VWF: variants seen among roughly 807,000 people sequenced by gnomAD.
The protein encoded by VWF is von Willebrand factor.
Under a neutral mutation model 308.6 loss-of-function variants are expected in VWF, and 176 were observed. That is an observed-to-expected ratio of 0.57 (90% confidence interval 0.50 to 0.65). The LOEUF (loss-of-function observed/expected upper bound fraction) is 0.65. Ranked by LOEUF, VWF falls within the 30% of genes least tolerant of loss-of-function variation. The probability of loss-of-function intolerance (pLI) is 0.00; values close to 1 mark genes in which losing one functional copy is unlikely to be tolerated. For synonymous variants in VWF, 1,385 were observed against 1,443.4 expected (o/e 0.96, Z 0.92); for missense variants, 3,146 against 3,648.2 (o/e 0.86, Z 3.55).
chr12:6,095,166 T>A (rs1295190651), intron 6 of VWF: 1 of 400,468 alleles, frequency 2.5e-6, no homozygotes. Flanking sequence ...CTGCCTAGCC[T>A]CCAGAACTAT....
chr12:6,109,226 C>A (rs1945276668), intron 5 of VWF, among the ~76,000 whole-genome samples: 1 of 151,230 alleles, frequency 6.6e-6, no homozygotes, highest in Non-Finnish European at 1.5e-5. Context: ...AATACACACA[C>A]ACAGAGACAC....
intron 2 of VWF, among the ~76,000 whole-genome samples, chr12:6,121,562 A>G (rs1216867593): frequency 6.6e-6 from 1 of 152,212 alleles, no homozygotes; most frequent in East Asian, 1.9e-4. Context: ...GAAATCCATT[A>G]GTTTCAATGA....
chr12:6,082,429 G>C (rs575333610), intron 6 of VWF, among the ~76,000 whole-genome samples: 1 of 151,966 alleles, frequency 6.6e-6, no homozygotes, highest in East Asian at 1.9e-4. Flanking sequence ...GAGTATACAG[G>C]GGCCCTGCGA....
chr12:6,000,885 T>C (rs1385551747), intron 34 of VWF, among the ~76,000 whole-genome samples: 1 of 151,550 alleles, frequency 6.6e-6, no homozygotes, highest in African/African-American at 2.4e-5. Flanking sequence ...TAGGAAATGT[T>C]AACAAAACAA....
At chr12:5,952,163 C>T (rs1943199112) in intron 49 of VWF, 1 of 675,740 alleles carries the variant, frequency 1.5e-6, no homozygotes, top group Non-Finnish European at 2.5e-6. Context: ...ATTCAAGAAT[C>T]ACACACTCAG....
intron 10 of VWF, among the ~76,000 whole-genome samples, chr12:6,069,621 G>C (rs1276913776): frequency 6.6e-6 from 1 of 152,210 alleles, no homozygotes; most frequent in African/African-American, 2.4e-5. Context: ...AAATGGACCG[G>C]GAGGCGATGA....
intron 6 of VWF, among the ~76,000 whole-genome samples, chr12:6,093,141 C>T (rs1050249851): frequency 3.3e-5 from 5 of 152,134 alleles, no homozygotes; most frequent in African/African-American, 1.2e-4. Flanking sequence ...TGTGGTTGCT[C>T]TCTGGATAAG....
At chr12:6,101,280 A>T (rs2136507789) in intron 5 of VWF, among the ~76,000 whole-genome samples, 1 of 152,274 alleles carries the variant, frequency 6.6e-6, no homozygotes, top group African/African-American at 2.4e-5. Flanking sequence ...CATCGTGTAA[A>T]TACTCCTACC....
At chr12:6,022,988 ATAATGT>A (rs749182592) in intron 25 of VWF, 90 bp from the exon 26 acceptor site, 10,692 of 373,584 alleles carry the variant, frequency 0.029, 1,051 homozygotes, top group African/African-American at 0.21. Flanking sequence ...CCATCTGGAG[ATAATGT>A]TGGGGAACTA....
At chr12:6,013,110 T>A (rs1944016875) in intron 32 of VWF, among the ~76,000 whole-genome samples, 1 of 152,112 alleles carries the variant, frequency 6.6e-6, no homozygotes, top group Admixed American at 6.5e-5. Context: ...ATGTTGAGAG[T>A]TAGTCTAGGC....
intron 6 of VWF, among the ~76,000 whole-genome samples, chr12:6,088,821 C>G (rs1420488860): frequency 6.6e-6 from 1 of 152,240 alleles, no homozygotes; most frequent in Non-Finnish European, 1.5e-5. Context: ...GCTGAAAAAA[C>G]TGCAAATTTG....
At position 6,057,925 on chromosome 12, in the gene VWF, G is replaced by T. The variant is rs1381798843; in HGVS notation, c.1653C>A (p.Asn551Lys). 1.2e-6 allele frequency: 2 copies of T among 1,613,616 alleles called. No homozygotes were observed. The highest frequency in any genetic ancestry group is 1.7e-6 in the Non-Finnish European group (2 of 1,179,954). The change falls in exon 14 of 52, where the codon AAC (asparagine) becomes AAA (lysine). Residue 551 changes from asparagine to lysine, a missense_variant. By Grantham distance (94) the Asn-to-Lys change is moderately conservative (BLOSUM62 0). Transcript: ENST00000261405. Reference sequence around the variant, plus strand: ...GGCAGTCCCCGTGCAGCTTCCAGGCGTTCCCGAAGTCCTCCACCCGGGGCT... The same window carrying T: ...GGCAGTCCCCGTGCAGCTTCCAGGCTTTCCCGAAGTCCTCCACCCGGGGCT... Reference protein sequence around the residue: ...LAEPRVEDFGNAWKLHGDCQD... With the variant: ...LAEPRVEDFGKAWKLHGDCQD...
intron 5 of VWF, among the ~76,000 whole-genome samples, chr12:6,105,065 T>C (rs925426221): frequency 2.0e-5 from 3 of 151,774 alleles, no homozygotes; most frequent in African/African-American, 7.3e-5. Flanking sequence ...ACAGAAAGAG[T>C]AGAATGATAG....
chr12:5,959,507 C>A (rs1242616373), intron 47 of VWF, among the ~76,000 whole-genome samples: 3 of 152,154 alleles, frequency 2.0e-5, no homozygotes, highest in Admixed American at 6.5e-5. Flanking sequence ...CATTCCAGAA[C>A]TGCAGAGCAT....
chr12:6,017,668 A>G (rs1013748851), intron 28 of VWF, among the ~76,000 whole-genome samples: 16 of 152,210 alleles, frequency 1.1e-4, no homozygotes, highest in African/African-American at 3.9e-4. Flanking sequence ...TTAAGCAAGT[A>G]GGTGCTATTA....
intron 18 of VWF, among the ~76,000 whole-genome samples, chr12:6,041,735 C>T (rs74927907): frequency 0.04 from 6,017 of 152,286 alleles, 148 homozygotes; most frequent in Middle Eastern, 0.068. Flanking sequence ...GCGTGAGCCA[C>T]TGCGCCCAGC....
In VWF at chr12:6,052,731, G is replaced by A. The variant is rs1255069916; in HGVS notation, c.1998C>T (p.Asn666=). 1.9e-6 allele frequency: 3 copies of A among 1,614,094 alleles called. No homozygotes were observed. The South Asian group carries it at 3.3e-5, about 18-fold the overall frequency. ...GGTAAGAGAGAGAGCGGCAGGTCAGGTTGCAGGGGGTCCCGCACTGCAGGT... is the reference window on the plus strand; with the variant it reads ...GGTAAGAGAGAGAGCGGCAGGTCAGATTGCAGGGGGTCCCGCACTGCAGGT... ...QVYLQCGTPC[N]LTCRSLSYPD... Residue 666 remains asparagine (N), a synonymous_variant, in exon 16 of 52, where the codon AAC becomes AAT. Coordinates refer to ENST00000261405, the MANE Select transcript of VWF (RefSeq NM_000552.5).
chr12:6,110,996 G>T (rs1469742299), intron 3 of VWF, 28 bp from the exon 4 acceptor site: 1 of 1,558,756 alleles, frequency 6.4e-7, no homozygotes, highest in Non-Finnish European at 8.9e-7. Context: ...CAATAGTAGT[G>T]ATTATTACTC....
intron 34 of VWF, among the ~76,000 whole-genome samples, chr12:6,004,279 C>T (rs923910708): frequency 3.3e-5 from 5 of 151,876 alleles, no homozygotes; most frequent in Non-Finnish European, 7.4e-5. Context: ...TAGGAAATTT[C>T]TTCAAATAAT....
Sources: gnomAD v4.1 joint callset for allele counts (sites outside exome capture counted in the v4.1 genomes callset) on GRCh38, gnomAD v4.1.1 for gene constraint, MANE v1.5 for transcripts, NCBI Gene and HGNC (gene_info 2026-07-23, HGNC 2026-07-21) for gene names.